Variants in CEP43 observed in about 807,000 individuals in gnomAD.
CEP43 encodes centrosomal protein 43, also known as FGFR1 oncogene partner.
In CEP43, 36 loss-of-function variants were observed where a neutral mutation model predicts 52.6. The observed-to-expected ratio is 0.68, with a 90% confidence interval of 0.52 to 0.90. The LOEUF is 0.90. CEP43 is among the 40% of genes least tolerant of loss of function. The pLI is 0.00. For missense variants in CEP43, 506 were observed against 472.8 expected, an observed-to-expected ratio of 1.07 and a Z score of -0.65; for synonymous variants, 192 against 172.4, an observed-to-expected ratio of 1.11 and a Z score of -0.89.
rs971438142 is a variant in CEP43, at chr6:167,045,021, T to C, written c.*5043T>C. 5 of 152,206 alleles carry C rather than the reference T, an allele frequency of 3.3e-5. No homozygotes were observed. Among genetic ancestry groups the C allele is most frequent in the Admixed American group, 3.3e-4 (5 of 15,280 alleles). The allele number at this position is 152,206 out of a possible 1,614,324, so 9.4% of individuals were successfully genotyped here. A position where few individuals can be genotyped will look rare whatever the true frequency, so the allele number is the denominator to read the frequency against. On this transcript the variant is annotated 3_prime_UTR_variant, in exon 13 of 13. Coordinates refer to ENST00000366847, the MANE Select transcript of CEP43 (RefSeq NM_007045.4). ...TTCTGCGGTTTTAGCTGGAGGTTTG[T>C]TTTTGGTAGTTTGTAGAATCATCAG...
intron 5 of CEP43, among the ~76,000 whole-genome samples, chr6:167,005,310 C>G (rs912799080): frequency 1.3e-5 from 2 of 152,102 alleles, no homozygotes; most frequent in Non-Finnish European, 2.9e-5. Flanking sequence ...CTCTGAATAG[C>G]GCAGAGCTAT....
chr6:167,009,258 G>A (rs1446860570), intron 5 of CEP43, among the ~76,000 whole-genome samples: 1 of 151,648 alleles, frequency 6.6e-6, no homozygotes, highest in Non-Finnish European at 1.5e-5. Flanking sequence ...CAGGTGCGGT[G>A]GCTCAAACCT....
At chr6:166,999,901 A>G (rs942937188) in intron 1 of CEP43, 159 bp from the exon 2 acceptor site, 36 of 593,246 alleles carry the variant, frequency 6.1e-5, no homozygotes, top group Non-Finnish European at 9.5e-5. Flanking sequence ...TGGGGGTCGG[A>G]GAGCTTGTGT....
At chr6:167,037,908 T>G (rs1018737979) in intron 12 of CEP43, among the ~76,000 whole-genome samples, 1 of 151,634 alleles carries the variant, frequency 6.6e-6, no homozygotes, top group Admixed American at 6.6e-5. Flanking sequence ...TGCCTAAGAG[T>G]GTGTGTGTGG....
rs1469376585 is a variant in CEP43, at chr6:167,050,820, A to T, written c.*10842A>T. The T allele has an allele frequency of 6.6e-6, 1 of 151,394 alleles. No homozygotes were observed. Among genetic ancestry groups the T allele is most frequent in the Non-Finnish European group, 1.5e-5 (1 of 67,886 alleles). The allele number at this position is 151,394 out of a possible 1,614,324, so 9.4% of individuals were successfully genotyped here. ...AAAAAAAAAAGAAAGAAAATGAGAC[A>T]TTGGATTTGTAAGTTTCTGACAGGT... On this transcript the variant is annotated 3_prime_UTR_variant, in exon 13 of 13. Coordinates refer to ENST00000366847, the MANE Select transcript of CEP43 (RefSeq NM_007045.4).
intron 10 of CEP43, among the ~76,000 whole-genome samples, chr6:167,029,468 G>A (rs1279553214): frequency 2.0e-5 from 3 of 152,184 alleles, no homozygotes; most frequent in East Asian, 1.9e-4. Flanking sequence ...CTGAAAGTCC[G>A]AAATGCTCCA....
intron 1 of CEP43, 139 bp from the exon 2 acceptor site, chr6:166,999,921 C>T: frequency 1.5e-6 from 1 of 645,532 alleles, no homozygotes; most frequent in Non-Finnish European, 2.7e-6. Flanking sequence ...TGACTGAGAA[C>T]GTTTCGGAAG....
rs139374939 is a variant in CEP43, at chr6:167,009,499, C to CAAAAAAAA, written c.439-1291_439-1284dup. Among the ~76,000 whole-genome samples the CAAAAAAAA allele has an allele frequency of 6.8e-4, 30 of 44,150 alleles. 2 individuals are homozygous for CAAAAAAAA. Among genetic ancestry groups the CAAAAAAAA allele is most frequent in the African/African-American group, 3.3e-3 (30 of 8,974 alleles). The allele number at this position is 44,150 out of a possible 152,430, so 29.0% of individuals were successfully genotyped here. ...CACTCCACAGAGCGAGACTCTGTCT[C>CAAAAAAAA]AAAAAAAAAAAAAAAAAAAAAAAAA... On this transcript the variant is annotated intron_variant, in intron 5 of 12. Coordinates refer to ENST00000366847, the MANE Select transcript of CEP43 (RefSeq NM_007045.4).
chr6:167,021,101 G>A (rs1413827621), intron 7 of CEP43, among the ~76,000 whole-genome samples: 1 of 151,404 alleles, frequency 6.6e-6, no homozygotes, highest in East Asian at 1.9e-4. Context: ...AAAAAATGGA[G>A]TTAATAATTT....
chr6:167,013,618 C>T lies in CEP43; in HGVS notation c.579+51C>T, dbSNP rs144952423. ...AAAGCAGCCTGTGGGCATCAGGTCT[C>T]GACTCTGGGGCCTCCTGGAGCGCTG... is the stretch of plus-strand genomic sequence containing the variant. On this transcript the variant is annotated intron_variant, in intron 7 of 12. Coordinates refer to ENST00000366847, the MANE Select transcript of CEP43 (RefSeq NM_007045.4). 77 of 1,475,738 alleles carry T rather than the reference C, an allele frequency of 5.2e-5. No individual in the cohort carries two copies. In the African/African-American group the frequency reaches 9.0e-4, roughly 17 times the overall value. 91.4% of individuals were successfully genotyped at this position (1,475,738 alleles called of 1,614,324 possible).
chr6:167,005,132 G>A (rs1162174426), intron 5 of CEP43, among the ~76,000 whole-genome samples: 2 of 152,246 alleles, frequency 1.3e-5, no homozygotes, highest in African/African-American at 4.8e-5. Context: ...AGGTAAGAAT[G>A]TGGAGGGCTG....
In CEP43 at chr6:167,041,109, G is replaced by T; in HGVS notation, c.*1131G>T. The T allele has an allele frequency of 2.9e-6, 3 of 1,040,556 alleles. No individual in the cohort carries two copies. Among genetic ancestry groups the T allele is most frequent in the Non-Finnish European group, 3.5e-6 (3 of 863,792 alleles). The allele number at this position is 1,040,556 out of a possible 1,614,324, so 64.5% of individuals were successfully genotyped here. A position where few individuals can be genotyped will look rare whatever the true frequency, so the allele number is the denominator to read the frequency against. The stretch of plus-strand genomic sequence containing the variant: ...CACTTTATAATTTCAATTAAGTTGC[G>T]GCTTTTTACTACAAGTTAACTTTAT... On this transcript the variant is annotated 3_prime_UTR_variant, in exon 13 of 13. Coordinates refer to ENST00000366847, the MANE Select transcript of CEP43 (RefSeq NM_007045.4).
chr6:167,023,080 T>C (rs1387967741), intron 8 of CEP43, among the ~76,000 whole-genome samples: 1 of 152,126 alleles, frequency 6.6e-6, no homozygotes. Context: ...AGGTGCCCAG[T>C]GAGCAAAGAG....
At chr6:167,007,467 G>C (rs901527977) in intron 5 of CEP43, among the ~76,000 whole-genome samples, 2 of 152,074 alleles carry the variant, frequency 1.3e-5, no homozygotes, top group Non-Finnish European at 2.9e-5. Flanking sequence ...TTTTTTGCTA[G>C]TTTTCCCTTC....
In CEP43 at chr6:167,040,175, G is replaced by T. The variant is rs1179459682; in HGVS notation, c.*197G>T. On this transcript the variant is annotated 3_prime_UTR_variant, in exon 13 of 13. Coordinates refer to ENST00000366847, the MANE Select transcript of CEP43 (RefSeq NM_007045.4). ...TTCCTATTTGAGCCCATGTGTGGAA[G>T]ATTTAATATTCTTAATTTAACTGTA... is the stretch of plus-strand genomic sequence containing the variant. 3 of 1,531,988 alleles carry T rather than the reference G, an allele frequency of 2.0e-6. No homozygotes were observed. Among genetic ancestry groups the T allele is most frequent in the African/African-American group, 1.4e-5 (1 of 72,704 alleles). The allele number at this position is 1,531,988 out of a possible 1,614,324, so 94.9% of individuals were successfully genotyped here.
chr6:167,005,275 G>T (rs551112146), intron 5 of CEP43, among the ~76,000 whole-genome samples: 1 of 152,152 alleles, frequency 6.6e-6, no homozygotes, highest in Non-Finnish European at 1.5e-5. Flanking sequence ...GGTACTATAA[G>T]ATAAAATATA....
intron 6 of CEP43, 44 bp from the exon 7 acceptor site, chr6:167,013,464 G>C: frequency 6.6e-7 from 1 of 1,504,188 alleles, no homozygotes; most frequent in Middle Eastern, 1.7e-4. Context: ...ATTTTTTAAA[G>C]ATTTCTATTT....
At chr6:167,009,728 T>A (rs1053980014) in intron 5 of CEP43, among the ~76,000 whole-genome samples, 3 of 150,662 alleles carry the variant, frequency 2.0e-5, no homozygotes, top group Admixed American at 2.0e-4. Context: ...CCCAGCTACT[T>A]GAGAGGCTGA....
At position 167,041,499 on chromosome 6, in the gene CEP43, C is replaced by T. The variant is rs921073718; in HGVS notation, c.*1521C>T. On this transcript the variant is annotated 3_prime_UTR_variant, in exon 13 of 13. Transcript: ENST00000366847. ...GTGCAGATGTAATCTTGTTGCAGTCCCCCAGTGTGGTTGTTATAAAATGCA... is the reference window on the plus strand; with the variant it reads ...GTGCAGATGTAATCTTGTTGCAGTCTCCCAGTGTGGTTGTTATAAAATGCA... The T allele has an allele frequency of 1.1e-5, 12 of 1,056,298 alleles. No individual in the cohort carries two copies. The highest frequency in any genetic ancestry group is 1.4e-5 in the Non-Finnish European group (12 of 873,754). The allele number at this position is 1,056,298 out of a possible 1,614,324, so 65.4% of individuals were successfully genotyped here. A position where few individuals can be genotyped will look rare whatever the true frequency, so the allele number is the denominator to read the frequency against.
Sources: gnomAD v4.1 joint callset for allele counts (sites outside exome capture counted in the v4.1 genomes callset) on GRCh38, gnomAD v4.1.1 for gene constraint, MANE v1.5 for transcripts, NCBI Gene and HGNC (gene_info 2026-07-23, HGNC 2026-07-21) for gene names.